Variants in ENAH observed in about 807,000 individuals in gnomAD.
The protein encoded by ENAH is protein enabled homolog.
Under a neutral mutation model 78.7 loss-of-function variants are expected in ENAH, and 23 were observed. The observed-to-expected ratio is 0.29, with a 90% CI of 0.21 to 0.41. The LOEUF (loss-of-function observed/expected upper bound fraction) is 0.41, where lower values mean the gene tolerates loss of function less well. ENAH is among the 10% of genes least tolerant of loss of function. The pLI is 1.00. For synonymous variants in ENAH, 226 were observed against 241.0 expected (o/e 0.94, Z 0.58); for missense variants, 544 against 691.0 (o/e 0.79, Z 2.39).
chr1:225,621,332 G>A lies in ENAH; in HGVS notation c.5+31354C>T, dbSNP rs1389423648. On this transcript the variant is annotated intron_variant, in intron 1 of 13. Coordinates refer to ENST00000366843, the MANE Select transcript of ENAH (RefSeq NM_018212.6). ...TTTTGAGACGCAGTCTCGCTCTGTC[G>A]CCCAGGCTGGAGTGCAGTGGCGGGA... Among the ~76,000 whole-genome samples, 11 of 146,026 alleles carry A rather than the reference G, an allele frequency of 7.5e-5. No individual in the cohort carries two copies. In the East Asian group the frequency reaches 1.4e-3, roughly 19 times the overall value.
At chr1:225,526,502 C>T (rs184717904) in intron 4 of ENAH, among the ~76,000 whole-genome samples, 77 of 152,202 alleles carry the variant, frequency 5.1e-4, no homozygotes, top group African/African-American at 1.8e-3. Context: ...CCAGGCCTGG[C>T]TAATTTTTGC....
At chr1:225,551,392 C>A (rs1005231115) in intron 3 of ENAH, among the ~76,000 whole-genome samples, 1 of 151,880 alleles carries the variant, frequency 6.6e-6, no homozygotes, top group African/African-American at 2.4e-5. Flanking sequence ...TATGACTAGC[C>A]CCCCAGAAAG....
At chr1:225,524,856 A>AT (rs747750965) in intron 4 of ENAH, among the ~76,000 whole-genome samples, 1 of 152,244 alleles carries the variant, frequency 6.6e-6, no homozygotes, top group African/African-American at 2.4e-5. Context: ...CAAGCCAAAT[A>AT]TTAATTATAT....
intron 1 of ENAH, among the ~76,000 whole-genome samples, chr1:225,647,351 T>A (rs1662162254): frequency 6.6e-6 from 1 of 152,198 alleles, no homozygotes; most frequent in Non-Finnish European, 1.5e-5. Flanking sequence ...CAAAGAGACT[T>A]AAAAACAGAT....
chr1:225,514,561 G>A (rs2096402314), intron 7 of ENAH, 35 bp downstream of exon 7: 5 of 1,486,824 alleles, frequency 3.4e-6, no homozygotes, highest in Non-Finnish European at 3.7e-6. Flanking sequence ...GGAAGAATAA[G>A]ACATATTAAA....
At chr1:225,582,037 T>G (rs1429241989) in intron 1 of ENAH, among the ~76,000 whole-genome samples, 1 of 152,056 alleles carries the variant, frequency 6.6e-6, no homozygotes, top group East Asian at 1.9e-4. Context: ...ATCCCCAATG[T>G]TGGGGGTGGG....
At chr1:225,507,471 C>T (rs2096341748) in intron 11 of ENAH, among the ~76,000 whole-genome samples, 1 of 151,894 alleles carries the variant, frequency 6.6e-6, no homozygotes, top group Admixed American at 6.6e-5. Context: ...GGTTACATAG[C>T]AGATGTCCTG....
rs188915074 is a variant in ENAH at position 225,514,465 on chromosome 1, G to A, written c.1218+131C>T. ...TACAGGTATGAGCCATTGCGCCAGG[G>A]TAAATTATTTCAATTTTTTAAATCA... On this transcript the variant is annotated intron_variant, in intron 7 of 13. Coordinates refer to ENST00000366843, the MANE Select transcript of ENAH (RefSeq NM_018212.6). 170 of 859,934 alleles carry A rather than the reference G, an allele frequency of 2.0e-4. No individual in the cohort carries two copies. The African/African-American group carries it at 2.3e-3, about 12-fold the overall frequency. 53.3% of individuals were successfully genotyped at this position (859,934 alleles called of 1,614,324 possible). A position where few individuals can be genotyped will look rare whatever the true frequency, so the allele number is the denominator to read the frequency against.
chr1:225,570,717 G>A (rs2096757392), intron 1 of ENAH, among the ~76,000 whole-genome samples: 1 of 151,922 alleles, frequency 6.6e-6, no homozygotes, highest in East Asian at 1.9e-4. Flanking sequence ...TAGCACTTTG[G>A]GAGGCCGAGG....
At chr1:225,624,789 G>A (rs1301546419) in intron 1 of ENAH, among the ~76,000 whole-genome samples, 5 of 152,126 alleles carry the variant, frequency 3.3e-5, no homozygotes, top group Non-Finnish European at 7.3e-5. Flanking sequence ...GGATGAAGAA[G>A]CCCAGATTAA....
chr1:225,615,873 T>C (rs1361374929), intron 1 of ENAH, among the ~76,000 whole-genome samples: 1 of 151,868 alleles, frequency 6.6e-6, no homozygotes, highest in African/African-American at 2.4e-5. Flanking sequence ...CGATGGCGGT[T>C]TTGTCGAATA....
At chr1:225,653,251 G>A (rs908420823), upstream of ENAH, 36 of 151,124 alleles carry the variant, frequency 2.4e-4, 1 homozygote, top group Admixed American at 2.4e-3. The surrounding 1 kb of genome is among the most constrained non-coding windows in gnomAD (Gnocchi z 4.3). Flanking sequence ...AAGGGGAGGC[G>A]GGGGGCCGGG....
intron 1 of ENAH, among the ~76,000 whole-genome samples, chr1:225,596,256 AT>A (rs1425033359): frequency 6.6e-6 from 1 of 152,190 alleles, no homozygotes; most frequent in African/African-American, 2.4e-5. Context: ...ATTTTCAGAT[AT>A]TTTCCCCCCT....
intron 11 of ENAH, among the ~76,000 whole-genome samples, chr1:225,503,985 G>A (rs2096305355): frequency 6.6e-6 from 1 of 150,956 alleles, no homozygotes; most frequent in African/African-American, 2.4e-5. Flanking sequence ...ACAAAATGAG[G>A]GTTTCTCAGG....
chr1:225,549,557 C>T (rs2096631704), intron 3 of ENAH, among the ~76,000 whole-genome samples: 1 of 152,168 alleles, frequency 6.6e-6, no homozygotes, highest in Non-Finnish European at 1.5e-5. Flanking sequence ...TGTGGGTCCT[C>T]GCATCACTAC....
At chr1:225,552,628 TC>T (rs2096647000) in intron 3 of ENAH, among the ~76,000 whole-genome samples, 1 of 152,214 alleles carries the variant, frequency 6.6e-6, no homozygotes, top group African/African-American at 2.4e-5. Context: ...ACTAAAAGCT[TC>T]CTTGCCAGTG....
At chr1:225,615,783 G>A (rs1283782988) in intron 1 of ENAH, among the ~76,000 whole-genome samples, 2 of 151,970 alleles carry the variant, frequency 1.3e-5, no homozygotes, top group Non-Finnish European at 2.9e-5. Context: ...CCCCGTCTGA[G>A]AAGTGAGGAG....
At chr1:225,521,310 AC>A (rs912553118) in intron 4 of ENAH, among the ~76,000 whole-genome samples, 2 of 152,162 alleles carry the variant, frequency 1.3e-5, no homozygotes, top group Admixed American at 6.5e-5. Flanking sequence ...GATTTTTGAT[AC>A]ATGGTTCCAA....
Position 225,514,628 on chromosome 1 carries a change from T to C in ENAH, c.1186A>G (p.Ile396Val), listed in dbSNP as rs968877959. ...NRPLTGLAAAIAGAKLRKVSR... is the reference protein window; with the variant it reads ...NRPLTGLAAAVAGAKLRKVSR... The stretch of plus-strand genomic sequence containing the variant: ...ACTTTCCTAAGTTTTGCTCCGGCAA[T>C]TGCAGCTGCAAGTCCAGTTAAAGGG... Residue 396 changes from isoleucine to valine, a missense_variant, in exon 7 of 14, where the codon ATT (isoleucine) becomes GTT (valine). By Grantham distance (29) the Ile-to-Val change is conservative (BLOSUM62 3). Coordinates refer to ENST00000366843, the MANE Select transcript of ENAH (RefSeq NM_018212.6). The C allele has an allele frequency of 2.5e-6, 4 of 1,612,382 alleles. No individual in the cohort carries two copies. Among genetic ancestry groups the C allele is most frequent in the Non-Finnish European group, 3.4e-6 (4 of 1,179,844 alleles).
Sources: gnomAD v4.1 joint callset for allele counts (sites outside exome capture counted in the v4.1 genomes callset) on GRCh38, gnomAD v4.1.1 for gene constraint, Gnocchi (gnomAD v3.1) non-coding constraint, MANE v1.5 for transcripts, NCBI Gene and HGNC (gene_info 2026-07-23, HGNC 2026-07-21) for gene names.